The following LANCL3 variants were observed in gnomAD, a reference collection of about 807,000 sequenced individuals.
The protein encoded by LANCL3 is LanC like family member 3.
LANCL3 carries 19 observed loss-of-function variants against 26.5 expected under a neutral mutation model. That is an observed-to-expected ratio of 0.72 (90% confidence interval 0.50 to 1.05). The LOEUF (loss-of-function observed/expected upper bound fraction) is 1.05. Among genes scored for constraint, LANCL3 ranks in the 50% least tolerant of loss-of-function variants. LANCL3 has a pLI of 0.00. For missense variants in LANCL3, 318 were observed against 362.7 expected, an observed-to-expected ratio of 0.88 and a Z score of 1.00; for synonymous variants, 160 against 166.6, an observed-to-expected ratio of 0.96 and a Z score of 0.30.
chrX:37,605,187 G>A (rs1262762622), intron 1 of LANCL3, among the ~76,000 whole-genome samples: 1 of 111,921 alleles, frequency 8.9e-6, no homozygotes, highest in Admixed American at 9.5e-5. Context: ...CCAATGTTAG[G>A]TATTAAACTG....
At chrX:37,649,559 G>A (rs1225949629) in intron 1 of LANCL3, among the ~76,000 whole-genome samples, 1 of 111,352 alleles carries the variant, frequency 9.0e-6, no homozygotes, top group Non-Finnish European at 1.9e-5. Flanking sequence ...TTCTGCACAT[G>A]TATCCCAGAA....
chrX:37,596,712 G>T (rs1237292549), intron 1 of LANCL3, among the ~76,000 whole-genome samples: 10 of 111,930 alleles, frequency 8.9e-5, no homozygotes, highest in African/African-American at 3.2e-4. Flanking sequence ...TATCCTACTT[G>T]TTATATGTTG....
chrX:37,684,353 C>T lies in LANCL3; in HGVS notation c.*8540C>T, dbSNP rs903994800. 44 of 112,549 alleles carry T rather than the reference C, an allele frequency of 3.9e-4. No individual in the cohort carries two copies. The highest frequency in any genetic ancestry group is 1.4e-3 in the African/African-American group (42 of 31,041). 9.3% of individuals were successfully genotyped at this position (112,549 alleles called of 1,213,427 possible). On this transcript the variant is annotated 3_prime_UTR_variant, in exon 5 of 5. Coordinates refer to ENST00000378619, the MANE Select transcript of LANCL3 (RefSeq NM_001170331.2). ...AAACTGGACTTTATAGTGTTTAAAG[C>T]GATGTTATTTATTGGCTTATTGCCC...
intron 2 of LANCL3, among the ~76,000 whole-genome samples, chrX:37,658,999 C>T (rs1926353582): frequency 8.9e-6 from 1 of 112,305 alleles, no homozygotes; most frequent in Non-Finnish European, 1.9e-5. Flanking sequence ...GATACCTAGA[C>T]CAAATTATTT....
At chrX:37,645,605 T>C (rs1323761251) in intron 1 of LANCL3, among the ~76,000 whole-genome samples, 1 of 112,519 alleles carries the variant, frequency 8.9e-6, no homozygotes, top group East Asian at 2.8e-4. Context: ...TAAATGATAA[T>C]ATGCAACACT....
chrX:37,576,809 G>A (rs1923760739), intron 1 of LANCL3, among the ~76,000 whole-genome samples: 1 of 112,469 alleles, frequency 8.9e-6, no homozygotes, highest in African/African-American at 3.2e-5. Context: ...TGTGGAGGCA[G>A]CGTCCTGGCT....
intron 1 of LANCL3, among the ~76,000 whole-genome samples, chrX:37,601,027 A>G (rs1463233308): frequency 8.9e-6 from 1 of 112,059 alleles, no homozygotes; most frequent in East Asian, 2.8e-4. Context: ...ATATACTTTA[A>G]GATATTTTTA....
chrX:37,663,116 T>C (rs1226423640), intron 3 of LANCL3, among the ~76,000 whole-genome samples: 8 of 112,462 alleles, frequency 7.1e-5, no homozygotes, highest in African/African-American at 2.6e-4. Context: ...TGGGGCACTT[T>C]ATGGTCAACA....
rs34987799 is a variant in LANCL3, at chrX:37,574,054, C to CAAAAAAAAAAAAAAA, written c.573+1618_573+1632dup. 2.4e-3 allele frequency among the ~76,000 whole-genome samples: 80 copies of CAAAAAAAAAAAAAAA among 33,409 alleles called. 2 individuals are homozygous for CAAAAAAAAAAAAAAA. Among genetic ancestry groups the CAAAAAAAAAAAAAAA allele is most frequent in the Middle Eastern group, 0.027 (1 of 37 alleles). The allele number at this position is 33,409 out of a possible 115,157, so 29.0% of individuals were successfully genotyped here. A position where few individuals can be genotyped will look rare whatever the true frequency, so the allele number is the denominator to read the frequency against. ...GAGATGGAACAAGCTTCAAGGATAG[C>CAAAAAAAAAAAAAAA]AAAAAAAAAAAAAAAAAAAAACCCA... On this transcript the variant is annotated intron_variant, in intron 1 of 4. Coordinates refer to ENST00000378619, the MANE Select transcript of LANCL3 (RefSeq NM_001170331.2).
At chrX:37,625,321 A>G (rs1925285442) in intron 1 of LANCL3, among the ~76,000 whole-genome samples, 1 of 111,758 alleles carries the variant, frequency 8.9e-6, no homozygotes, top group African/African-American at 3.3e-5. Context: ...GCTTGGCTGC[A>G]TGTGTGTCTG....
intron 1 of LANCL3, among the ~76,000 whole-genome samples, chrX:37,586,210 T>G (rs5963749): frequency 9.0e-6 from 1 of 111,040 alleles, no homozygotes; most frequent in Non-Finnish European, 1.9e-5. Context: ...CCCGACCTTT[T>G]TCTCTGGCTA....
At chrX:37,601,969 C>T (rs1924585128) in intron 1 of LANCL3, among the ~76,000 whole-genome samples, 1 of 111,169 alleles carries the variant, frequency 9.0e-6, no homozygotes, top group South Asian at 3.8e-4. Context: ...TGGTGCCATG[C>T]CAAAAGTAGC....
intron 1 of LANCL3, among the ~76,000 whole-genome samples, chrX:37,582,817 T>G (rs1308927007): frequency 8.9e-6 from 1 of 112,121 alleles, no homozygotes; most frequent in African/African-American, 3.2e-5. Flanking sequence ...GCTCTTCAGT[T>G]TAATTAGATC....
intron 1 of LANCL3, among the ~76,000 whole-genome samples, chrX:37,594,905 G>A (rs1924384072): frequency 1.8e-5 from 2 of 111,856 alleles, no homozygotes; most frequent in African/African-American, 6.5e-5. Context: ...CAATGCTGGA[G>A]ACAAGCATGT....
chrX:37,645,365 A>G (rs1925961703), intron 1 of LANCL3, among the ~76,000 whole-genome samples: 1 of 111,987 alleles, frequency 8.9e-6, no homozygotes, highest in Admixed American at 9.4e-5. Context: ...AGCCCAGCAT[A>G]ATAATGATCA....
intron 1 of LANCL3, among the ~76,000 whole-genome samples, chrX:37,593,197 T>C (rs1348499938): frequency 1.8e-5 from 2 of 111,103 alleles, no homozygotes; most frequent in East Asian, 2.8e-4. Flanking sequence ...CCAATACCAG[T>C]GGGGCCACAG....
At chrX:37,674,690 ATC>A (rs1437680912) in intron 4 of LANCL3, among the ~76,000 whole-genome samples, 2 of 111,934 alleles carry the variant, frequency 1.8e-5, no homozygotes, top group African/African-American at 6.5e-5. Flanking sequence ...TATAATTACA[ATC>A]TGTTTTCTGC....
At chrX:37,674,116 C>T (rs1926742376) in intron 4 of LANCL3, among the ~76,000 whole-genome samples, 1 of 111,284 alleles carries the variant, frequency 9.0e-6, no homozygotes, top group Non-Finnish European at 1.9e-5. Flanking sequence ...CTTCCAAAGC[C>T]CTTGCTCTTT....
chrX:37,657,199 T>A (rs1415131021), intron 2 of LANCL3, among the ~76,000 whole-genome samples: 1 of 112,737 alleles, frequency 8.9e-6, no homozygotes, highest in Non-Finnish European at 1.9e-5. Flanking sequence ...CCTGCCCCTT[T>A]GGGCAGGGCA....
Sources: allele counts gnomAD v4.1 joint callset (sites outside exome capture counted in the v4.1 genomes callset), GRCh38; gene constraint gnomAD v4.1.1; transcripts MANE v1.5; gene names NCBI Gene and HGNC (gene_info 2026-07-23, HGNC 2026-07-21).